Variants in RYR2 observed in about 807,000 individuals in gnomAD.
The protein encoded by RYR2 is ryanodine receptor 2, also known as cardiac muscle ryanodine receptor-calcium release channel.
A neutral mutation model predicts 601.1 loss-of-function variants in RYR2; 227 were observed. That is an observed-to-expected ratio of 0.38 (90% CI 0.34 to 0.42). The LOEUF is 0.42. Ranked by LOEUF, RYR2 falls within the 10% of genes least tolerant of loss-of-function variation. The pLI is 1.00. For missense variants in RYR2, 4,646 were observed against 6,156.5 expected (o/e 0.75, Z 8.21); for synonymous variants, 2,223 against 2,175.1 (o/e 1.02, Z -0.61).
chr1:237,454,529 C>T lies in RYR2; in HGVS notation c.1431C>T (p.Asn477=), dbSNP rs1225809471. The T allele has an allele frequency of 5.0e-6, 8 of 1,613,468 alleles. No homozygotes were observed. Among genetic ancestry groups the T allele is most frequent in the Non-Finnish European group, 6.8e-6 (8 of 1,179,610 alleles). Residue 477 remains asparagine (N), a synonymous_variant, in exon 15 of 105, where the codon AAC becomes AAT. Coordinates refer to ENST00000366574, the MANE Select transcript of RYR2 (RefSeq NM_001035.3). ...ATTTAGAGCATGAAGACAAACAGAACAGACTACGAGCCCTGAAGAATCGGC... is the reference window on the plus strand; with the variant it reads ...ATTTAGAGCATGAAGACAAACAGAATAGACTACGAGCCCTGAAGAATCGGC... ...DEHLEHEDKQ[N]RLRALKNRQN... is the part of the protein sequence containing the mutation.
At chr1:237,201,244 A>G (rs1342727024) in intron 1 of RYR2, among the ~76,000 whole-genome samples, 4 of 152,192 alleles carry the variant, frequency 2.6e-5, no homozygotes, top group Non-Finnish European at 5.9e-5. Context: ...GATACCTGTT[A>G]ACTTCTAAAG....
chr1:237,098,954 C>T (rs1667780306), intron 1 of RYR2, among the ~76,000 whole-genome samples: 1 of 152,180 alleles, frequency 6.6e-6, no homozygotes, highest in South Asian at 2.1e-4. Flanking sequence ...GCTATCCTTG[C>T]CTCTGAATCG....
chr1:237,556,747 A>G (rs1337198247), intron 27 of RYR2, among the ~76,000 whole-genome samples: 3 of 151,952 alleles, frequency 2.0e-5, no homozygotes, highest in Admixed American at 6.6e-5. Context: ...CCACTACCAT[A>G]CAATGAAAGT....
At chr1:237,131,798 G>A (rs372585173) in intron 1 of RYR2, among the ~76,000 whole-genome samples, 5 of 151,862 alleles carry the variant, frequency 3.3e-5, no homozygotes, top group African/African-American at 1.2e-4. Context: ...ATGGCTCATT[G>A]CAGCTTCGAC....
intron 74 of RYR2, among the ~76,000 whole-genome samples, chr1:237,724,411 C>G (rs1690032753): frequency 6.6e-6 from 1 of 151,504 alleles, no homozygotes; most frequent in African/African-American, 2.4e-5. Context: ...ATGTAGTATC[C>G]TTTTAACTTC....
chr1:237,628,002 C>T lies in RYR2; in HGVS notation c.6362C>T (p.Ala2121Val). Residue 2121 changes from alanine (A) to valine (V), a missense_variant, in exon 41 of 105, where the codon GCA (alanine) becomes GTA (valine). By Grantham distance (64) the Ala-to-Val change is moderately conservative. Around this residue, in one of 17 missense-constraint regions of RYR2, gnomAD observed 170 missense variants for 184.5 expected, o/e 0.92. Coordinates refer to ENST00000366574, the MANE Select transcript of RYR2 (RefSeq NM_001035.3). ...VSVEDTINLL[A>V]SLGQIRSLLS... ...GTGGAGGACACCATCAACCTGCTGG[C>T]ATCCCTTGGTCAGATTCGGTCCCTG... 1 of 1,613,926 alleles carries T rather than the reference C, an allele frequency of 6.2e-7. No homozygotes were observed. The highest frequency in any genetic ancestry group is 8.5e-7 in the Non-Finnish European group (1 of 1,179,888).
At chr1:237,692,293 G>A (rs187439013) in intron 63 of RYR2, among the ~76,000 whole-genome samples, 26 of 152,234 alleles carry the variant, frequency 1.7e-4, no homozygotes, top group Non-Finnish European at 3.8e-4. Flanking sequence ...TTTCCACTCC[G>A]GAACCCAGAC....
intron 2 of RYR2, among the ~76,000 whole-genome samples, chr1:237,305,765 A>G (rs1030115): frequency 0.071 from 10,732 of 152,050 alleles, 493 homozygotes; most frequent in Non-Finnish European, 0.11. Context: ...GTAGGTCTAC[A>G]TAAATTTGTG....
At chr1:237,733,866 G>A in intron 79 of RYR2, 110 bp downstream of exon 79, 1 of 774,544 alleles carries the variant, frequency 1.3e-6, no homozygotes, top group Admixed American at 2.4e-5. Context: ...CTTTTTGTTT[G>A]TAGCATGAAT....
At chr1:237,394,118 T>C (rs1450961360) in intron 10 of RYR2, among the ~76,000 whole-genome samples, 1 of 152,218 alleles carries the variant, frequency 6.6e-6, no homozygotes, top group East Asian at 1.9e-4. Flanking sequence ...GTTTATTAAC[T>C]TAATCTATAT....
rs1026988879 is a variant in RYR2, at chr1:237,196,039, C to T, written c.49-74458C>T. ...GAAGAGTTCCTGAAAGAAATTCATG[C>T]GACCTTTTAAGGACATCGTAGCAGT... On this transcript the variant is annotated intron_variant, in intron 1 of 104. Coordinates refer to ENST00000366574, the MANE Select transcript of RYR2 (RefSeq NM_001035.3). Among the ~76,000 whole-genome samples, 6 of 152,102 alleles carry T rather than the reference C, an allele frequency of 3.9e-5. No individual in the cohort carries two copies. The East Asian group carries it at 5.8e-4, about 15-fold the overall frequency.
chr1:237,067,878 C>A (rs999810065), intron 1 of RYR2, among the ~76,000 whole-genome samples: 1 of 152,092 alleles, frequency 6.6e-6, no homozygotes, highest in African/African-American at 2.4e-5. Context: ...AGTTTTTAAA[C>A]CTGCAGACAT....
intron 24 of RYR2, among the ~76,000 whole-genome samples, chr1:237,518,117 C>T (rs1178801690): frequency 6.6e-6 from 1 of 152,138 alleles, no homozygotes; most frequent in Non-Finnish European, 1.5e-5. Context: ...ATGTTACTAT[C>T]ACCACATCAT....
intron 25 of RYR2, among the ~76,000 whole-genome samples, chr1:237,544,619 C>T (rs1669613955): frequency 6.6e-6 from 1 of 152,130 alleles, no homozygotes; most frequent in African/African-American, 2.4e-5. Flanking sequence ...TTTTTAACCA[C>T]AAGAAGATAA....
chr1:237,605,807 C>G (rs1410558824), intron 35 of RYR2, among the ~76,000 whole-genome samples: 2 of 152,052 alleles, frequency 1.3e-5, no homozygotes, highest in South Asian at 2.1e-4. Context: ...TGAGTGAACT[C>G]CCATTCACAA....
At chr1:237,677,915 T>G (rs1685542325) in intron 60 of RYR2, 133 bp from the exon 61 acceptor site, 1 of 622,168 alleles carries the variant, frequency 1.6e-6, no homozygotes, top group Non-Finnish European at 2.9e-6. Context: ...TGCCTTTATA[T>G]TTTTGGTTGG....
intron 20 of RYR2, among the ~76,000 whole-genome samples, chr1:237,499,421 A>G (rs1434067994): frequency 6.6e-6 from 1 of 152,236 alleles, no homozygotes; most frequent in Non-Finnish European, 1.5e-5. Context: ...ACAGGTTTCT[A>G]ATAGAGGGTC....
chr1:237,393,334 A>T (rs1450700741), intron 10 of RYR2, among the ~76,000 whole-genome samples: 5 of 152,188 alleles, frequency 3.3e-5, no homozygotes, highest in Admixed American at 6.5e-5. Context: ...GCATGACAAG[A>T]TTTTTACCTC....
chr1:237,691,804 T>G (rs1686967570), intron 63 of RYR2, among the ~76,000 whole-genome samples: 1 of 152,154 alleles, frequency 6.6e-6, no homozygotes, highest in African/African-American at 2.4e-5. Flanking sequence ...TGCTTGCTAG[T>G]GATTATAAGT....
Sources: allele counts gnomAD v4.1 joint callset (sites outside exome capture counted in the v4.1 genomes callset), GRCh38; gene constraint gnomAD v4.1.1; regional missense constraint gnomAD v4.1.1; transcripts MANE v1.5; gene names NCBI Gene and HGNC (gene_info 2026-07-23, HGNC 2026-07-21).